The following PCDHGA12 variants were observed in gnomAD, a reference collection of about 807,000 sequenced individuals.
PCDHGA12 encodes the protein protocadherin gamma-A12.
Under a neutral mutation model 61.1 loss-of-function variants are expected in PCDHGA12, and 43 were observed. The observed-to-expected ratio is 0.70, with a 90% CI of 0.55 to 0.91. The LOEUF is 0.91. Among genes scored for constraint, PCDHGA12 ranks in the 40% least tolerant of loss-of-function variants. The probability of loss-of-function intolerance (pLI) is 0.00; values close to 1 mark genes in which losing one functional copy is unlikely to be tolerated. For missense variants in PCDHGA12, 1,236 were observed against 1,227.7 expected (o/e 1.01, Z -0.10); for synonymous variants, 520 against 542.9 (o/e 0.96, Z 0.59).
chr5:141,471,206 T>C (rs113465424), intron 1 of PCDHGA12: 16,891 of 151,686 alleles, frequency 0.11, 970 homozygotes, highest in South Asian at 0.15. Context: ...CCCACCCCCA[T>C]GCCTGGCAAT....
At chr5:141,446,231 C>T (rs1412899811) in intron 1 of PCDHGA12, among the ~76,000 whole-genome samples, 2 of 152,176 alleles carry the variant, frequency 1.3e-5, no homozygotes, top group African/African-American at 2.4e-5. Flanking sequence ...TGTTGCCTGG[C>T]AAGTGGTAGA....
intron 1 of PCDHGA12, among the ~76,000 whole-genome samples, chr5:141,446,719 G>C (rs899985752): frequency 2.6e-5 from 4 of 152,056 alleles, no homozygotes; most frequent in Admixed American, 1.3e-4. Flanking sequence ...TGCCCGCCTC[G>C]GCCTCCCAAA....
chr5:141,461,902 C>A (rs1477274695), intron 1 of PCDHGA12, among the ~76,000 whole-genome samples: 1 of 152,116 alleles, frequency 6.6e-6, no homozygotes, highest in African/African-American at 2.4e-5. Flanking sequence ...CGGCTCACTG[C>A]AACCTCTGCC....
Position 141,498,864 on chromosome 5 carries a change from C to T in PCDHGA12, c.2483+3999C>T, listed in dbSNP as rs1370263013. Among the ~76,000 whole-genome samples the T allele has an allele frequency of 2.7e-5, 4 of 149,532 alleles. No homozygotes were observed. The East Asian group carries it at 5.9e-4, about 22-fold the overall frequency. ...AGGGGAATCGCTTGAACCCAGGAGG[C>T]GGAGGTTGCAGTGAGCTGAGATCAC... On this transcript the variant is annotated intron_variant, in intron 2 of 3. Coordinates refer to ENST00000252085, the MANE Select transcript of PCDHGA12 (RefSeq NM_003735.3).
intron 1 of PCDHGA12, among the ~76,000 whole-genome samples, chr5:141,460,577 TGTG>T (rs2098992364): frequency 6.6e-6 from 1 of 152,094 alleles, no homozygotes; most frequent in African/African-American, 2.4e-5. Context: ...CATATGTAGG[TGTG>T]GGTTTTTTCT....
intron 1 of PCDHGA12, among the ~76,000 whole-genome samples, chr5:141,444,225 G>A (rs1307884592): frequency 8.0e-6 from 1 of 125,604 alleles, no homozygotes; most frequent in African/African-American, 3.1e-5. Context: ...AGGCTGGAGT[G>A]CAATGGCATG....
At chr5:141,494,759 C>G (rs776923097) in intron 1 of PCDHGA12, 48 bp from the exon 2 acceptor site, 2 of 1,613,886 alleles carry the variant, frequency 1.2e-6, no homozygotes, top group Middle Eastern at 1.6e-4. Flanking sequence ...GGGTGACATT[C>G]TAACTTCTCA....
rs1416755901 is a variant in PCDHGA12 at position 141,489,721 on chromosome 5, G to C, written c.2425-5086G>C. The C allele has an allele frequency of 6.2e-7, 1 of 1,614,016 alleles. No homozygotes were observed. The highest frequency in any genetic ancestry group is 8.5e-7 in the Non-Finnish European group (1 of 1,179,966). On this transcript the variant is annotated intron_variant, in intron 1 of 3. Coordinates refer to ENST00000252085, the MANE Select transcript of PCDHGA12 (RefSeq NM_003735.3). The surrounding 1 kb of genome is among the most constrained non-coding windows in gnomAD (Gnocchi z 4.5). ...CCCACTGGACAGTGCCCAGGATCCGGATGTGGGCACCAATACTGTGAGCTT... is the reference window on the plus strand; with the variant it reads ...CCCACTGGACAGTGCCCAGGATCCGCATGTGGGCACCAATACTGTGAGCTT...
At chr5:141,443,131 A>C (rs1042010214) in intron 1 of PCDHGA12, among the ~76,000 whole-genome samples, 2 of 152,144 alleles carry the variant, frequency 1.3e-5, no homozygotes, top group African/African-American at 4.8e-5. Flanking sequence ...GATTAAGAAC[A>C]CTATCATAAG....
chr5:141,456,576 A>C (rs1383992335), intron 1 of PCDHGA12, among the ~76,000 whole-genome samples: 2 of 152,188 alleles, frequency 1.3e-5, no homozygotes, highest in African/African-American at 4.8e-5. Context: ...ATTTTCCCTG[A>C]GCCTGTCAAT....
Position 141,477,818 on chromosome 5 carries a change from C to T in PCDHGA12, c.2425-16989C>T, listed in dbSNP as rs202009040. 33 of 1,614,040 alleles carry T rather than the reference C, an allele frequency of 2.0e-5. No homozygotes were observed. The highest frequency in any genetic ancestry group is 1.3e-4 in the Admixed American group (8 of 60,006). On this transcript the variant is annotated intron_variant, in intron 1 of 3. Transcript: ENST00000252085. This position sits in a 1 kb window ranked among gnomAD's most constrained non-coding sequence, Gnocchi z 4.9. ...TCGCAATGACAATGCCCCCCAGGTCCTATATCCTCGGCCAGGTGGGAGCTC... is the reference window on the plus strand; with the variant it reads ...TCGCAATGACAATGCCCCCCAGGTCTTATATCCTCGGCCAGGTGGGAGCTC...
Position 141,485,633 on chromosome 5 carries a change from T to C in PCDHGA12, c.2425-9174T>C. 2 of 1,611,808 alleles carry C rather than the reference T, an allele frequency of 1.2e-6. No homozygotes were observed. Among genetic ancestry groups the C allele is most frequent in the South Asian group, 1.1e-5 (1 of 90,962 alleles). On this transcript the variant is annotated intron_variant, in intron 1 of 3. Coordinates refer to ENST00000252085, the MANE Select transcript of PCDHGA12 (RefSeq NM_003735.3). The surrounding 1 kb of genome is among the most constrained non-coding windows in gnomAD (Gnocchi z 5.7). Reference sequence around the variant, plus strand: ...AGCTCCTCCAGGACAGCGTTTCCCGTTGGAAAAGGCTCAGGATGCAGATGT... The same window carrying C: ...AGCTCCTCCAGGACAGCGTTTCCCGCTGGAAAAGGCTCAGGATGCAGATGT...
At chr5:141,470,589 G>A (rs1593264687) in intron 1 of PCDHGA12, among the ~76,000 whole-genome samples, 1 of 152,300 alleles carries the variant, frequency 6.6e-6, no homozygotes, top group East Asian at 1.9e-4. Flanking sequence ...TCATAGGCAG[G>A]CGACCTGTGC....
rs375524585 is a variant in PCDHGA12 at position 141,430,773 on chromosome 5, G to A, written c.14G>A (p.Arg5Gln). 1.3e-6 allele frequency: 2 copies of A among 1,507,932 alleles called. No homozygotes were observed. The highest frequency in any genetic ancestry group is 1.8e-6 in the Non-Finnish European group (2 of 1,129,752). The allele number at this position is 1,507,932 out of a possible 1,614,324, so 93.4% of individuals were successfully genotyped here. A position where few individuals can be genotyped will look rare whatever the true frequency, so the allele number is the denominator to read the frequency against. MIPA[R>Q]LHRDYKGLVL... is the part of the protein sequence containing the mutation. Reference sequence around the variant, plus strand: ...AGGAAGATAAGAATGATTCCTGCGCGACTGCACCGGGACTACAAAGGGCTT... The same window carrying A: ...AGGAAGATAAGAATGATTCCTGCGCAACTGCACCGGGACTACAAAGGGCTT... The change falls in exon 1 of 4, where the codon CGA becomes CAA. Residue 5 changes from arginine to glutamine, a missense_variant. Coordinates refer to ENST00000252085, the MANE Select transcript of PCDHGA12 (RefSeq NM_003735.3).
Position 141,433,012 on chromosome 5 carries a change from G to A in PCDHGA12, c.2253G>A (p.Gln751=), listed in dbSNP as rs1402902269. The A allele has an allele frequency of 2.5e-6, 4 of 1,614,054 alleles. No homozygotes were observed. The highest frequency in any genetic ancestry group is 3.4e-6 in the Non-Finnish European group (4 of 1,180,036). ...VGVDGVQAFL[Q]TYSHEVSLTT... ...TGGACGGGGTGCAGGCTTTCCTGCA[G>A]ACCTATTCCCACGAGGTTTCCCTCA... Residue 751 remains glutamine, a synonymous_variant, in exon 1 of 4, where the codon CAG becomes CAA. Coordinates refer to ENST00000252085, the MANE Select transcript of PCDHGA12 (RefSeq NM_003735.3).
intron 1 of PCDHGA12, chr5:141,441,986 C>G (rs2098288559): frequency 7.4e-6 from 2 of 269,216 alleles, no homozygotes; most frequent in Non-Finnish European, 1.5e-5. Flanking sequence ...GAATGCGCAC[C>G]GACGAGGTGC....
At chr5:141,470,511 A>T (rs1043414941) in intron 1 of PCDHGA12, among the ~76,000 whole-genome samples, 37 of 152,198 alleles carry the variant, frequency 2.4e-4, no homozygotes, top group African/African-American at 8.7e-4. Flanking sequence ...TTAGACAGTT[A>T]GCTAATATTA....
Position 141,491,712 on chromosome 5 carries a change from G to C in PCDHGA12, c.2425-3095G>C. 3.1e-6 allele frequency: 5 copies of C among 1,609,408 alleles called. No individual in the cohort carries two copies. Among genetic ancestry groups the C allele is most frequent in the Middle Eastern group, 1.7e-4 (1 of 6,024 alleles). ...GGGAGCGGAGCCAGGTGAGGGGCTCGGCGCCGCCCCGGGCGACCCCTGGGG... is the reference window on the plus strand; with the variant it reads ...GGGAGCGGAGCCAGGTGAGGGGCTCCGCGCCGCCCCGGGCGACCCCTGGGG... On this transcript the variant is annotated intron_variant, in intron 1 of 3. Transcript: ENST00000252085. The surrounding 1 kb of genome is among the most constrained non-coding windows in gnomAD (Gnocchi z 6.9).
At chr5:141,499,880 G>A (rs1177287013) in intron 2 of PCDHGA12, among the ~76,000 whole-genome samples, 1 of 151,886 alleles carries the variant, frequency 6.6e-6, no homozygotes, top group African/African-American at 2.4e-5. Flanking sequence ...TACAAACAGG[G>A]TTTCGCCATG....
Sources: allele counts gnomAD v4.1 joint callset (sites outside exome capture counted in the v4.1 genomes callset), GRCh38; gene constraint gnomAD v4.1.1; non-coding constraint Gnocchi (gnomAD v3.1); transcripts MANE v1.5; gene names NCBI Gene and HGNC (gene_info 2026-07-23, HGNC 2026-07-21).